SGCZ: variants seen among roughly 807,000 people sequenced by gnomAD.
SGCZ encodes zeta-sarcoglycan.
A neutral mutation model predicts 41.3 loss-of-function variants in SGCZ; 40 were observed. The ratio of observed to expected loss-of-function variants is 0.97; its 90% CI spans 0.75 to 1.26. The LOEUF (loss-of-function observed/expected upper bound fraction) is 1.26. Ranked by LOEUF, SGCZ falls within the 50% of genes most tolerant of loss-of-function variation. The pLI is 0.00. For missense variants in SGCZ, 552 were observed against 369.8 expected (o/e 1.49, Z -4.04); for synonymous variants, 206 against 137.5 (o/e 1.50, Z -3.49).
At chr8:15,056,910 G>C (rs1804727238) in intron 1 of SGCZ, among the ~76,000 whole-genome samples, 1 of 152,118 alleles carries the variant, frequency 6.6e-6, no homozygotes, top group Non-Finnish European at 1.5e-5. Context: ...GACAGGCAAG[G>C]TTTCTGACAG....
intron 2 of SGCZ, among the ~76,000 whole-genome samples, chr8:14,408,643 G>A (rs1799274449): frequency 6.6e-6 from 1 of 152,026 alleles, no homozygotes; most frequent in Non-Finnish European, 1.5e-5. Context: ...ACATTTCATT[G>A]CATTTGGATG....
intron 5 of SGCZ, among the ~76,000 whole-genome samples, chr8:14,127,586 G>A (rs955180137): frequency 6.6e-6 from 1 of 151,956 alleles, no homozygotes; most frequent in African/African-American, 2.4e-5. Context: ...CTCCCGAGTA[G>A]CTGGGACTAC....
chr8:14,396,549 A>G (rs546646246), intron 2 of SGCZ, among the ~76,000 whole-genome samples: 2 of 151,684 alleles, frequency 1.3e-5, no homozygotes, highest in African/African-American at 4.8e-5. Flanking sequence ...AAACATGTAA[A>G]CTTTCTCTTT....
chr8:14,131,887 A>G (rs1230402580), intron 5 of SGCZ, among the ~76,000 whole-genome samples: 11 of 152,182 alleles, frequency 7.2e-5, no homozygotes, highest in Admixed American at 7.2e-4. Context: ...TTTGTAACCT[A>G]GGAGCAGTAG....
chr8:14,748,452 G>C (rs1318115402), intron 1 of SGCZ, among the ~76,000 whole-genome samples: 1 of 152,110 alleles, frequency 6.6e-6, no homozygotes, highest in East Asian at 1.9e-4. Context: ...TCGAATGTCA[G>C]AGCAAGAATT....
intron 1 of SGCZ, among the ~76,000 whole-genome samples, chr8:14,599,411 C>A (rs2117307748): frequency 6.6e-6 from 1 of 152,314 alleles, no homozygotes; most frequent in East Asian, 1.9e-4. Flanking sequence ...CATACATTCT[C>A]AGGTAAATGT....
intron 1 of SGCZ, among the ~76,000 whole-genome samples, chr8:14,693,493 T>G (rs1199125067): frequency 6.6e-6 from 1 of 151,588 alleles, no homozygotes; most frequent in Non-Finnish European, 1.5e-5. Flanking sequence ...GGTTTCACCA[T>G]GTTGGTCAGG....
At chr8:14,758,985 GCAA>G (rs1799771378) in intron 1 of SGCZ, among the ~76,000 whole-genome samples, 1 of 143,552 alleles carries the variant, frequency 7.0e-6, no homozygotes, top group South Asian at 2.1e-4. Flanking sequence ...TCCAGCCTGG[GCAA>G]CAGGAGTGAA....
chr8:14,813,965 G>C (rs2130545952), intron 1 of SGCZ, among the ~76,000 whole-genome samples: 1 of 151,302 alleles, frequency 6.6e-6, no homozygotes, highest in Non-Finnish European at 1.5e-5. Flanking sequence ...AACTAACTAA[G>C]CAAATAAGTA....
At chr8:14,371,265 C>A (rs990204596) in intron 2 of SGCZ, among the ~76,000 whole-genome samples, 24 of 151,862 alleles carry the variant, frequency 1.6e-4, no homozygotes, top group Non-Finnish European at 3.1e-4. Flanking sequence ...GTGACTCAGT[C>A]TCCTGAATAA....
rs149493799 is a variant in SGCZ, at chr8:14,900,506, G to C, written c.39+337079C>G. Among the ~76,000 whole-genome samples the C allele has an allele frequency of 4.2e-3, 644 of 152,208 alleles. 6 individuals are homozygous for C. Among genetic ancestry groups the C allele is most frequent in the African/African-American group, 0.015 (618 of 41,532 alleles). ...ACTCCGACCCAGCAGAATGGATTCA[G>C]GCTCCTAAATAACAAACTCAACTAT... On this transcript the variant is annotated intron_variant, in intron 1 of 7. Transcript: ENST00000382080.
chr8:14,890,841 G>A, intron 1 of SGCZ, among the ~76,000 whole-genome samples: 1 of 152,086 alleles, frequency 6.6e-6, no homozygotes. Context: ...TAAGTTTTAG[G>A]CAATGCTCAT....
intron 1 of SGCZ, among the ~76,000 whole-genome samples, chr8:14,677,000 G>T (rs1432653082): frequency 2.0e-5 from 3 of 151,706 alleles, no homozygotes; most frequent in Non-Finnish European, 4.4e-5. Context: ...AGGATATAAA[G>T]ATAAGGAAGG....
At chr8:14,337,630 G>C (rs1024467614) in intron 2 of SGCZ, among the ~76,000 whole-genome samples, 2 of 152,142 alleles carry the variant, frequency 1.3e-5, no homozygotes, top group Non-Finnish European at 2.9e-5. Context: ...CAGGAAAGTA[G>C]ATATAGTGGA....
intron 1 of SGCZ, among the ~76,000 whole-genome samples, chr8:14,828,823 G>T (rs936506312): frequency 1.3e-5 from 2 of 152,118 alleles, no homozygotes; most frequent in African/African-American, 2.4e-5. Context: ...GAACATTTCA[G>T]CAGAGTCCTT....
intron 1 of SGCZ, among the ~76,000 whole-genome samples, chr8:14,864,972 T>C (rs1803876324): frequency 6.6e-6 from 1 of 152,028 alleles, no homozygotes; most frequent in South Asian, 2.1e-4. Flanking sequence ...TCTATTCAGA[T>C]CATTTGCTCA....
At chr8:15,099,639 C>T (rs373917265) in intron 1 of SGCZ, among the ~76,000 whole-genome samples, 18 of 152,212 alleles carry the variant, frequency 1.2e-4, no homozygotes, top group Admixed American at 3.3e-4. Context: ...TACCCTAATA[C>T]TAAAACCTGG....
chr8:14,196,458 AG>A (rs1156721506), intron 4 of SGCZ, among the ~76,000 whole-genome samples: 1 of 152,168 alleles, frequency 6.6e-6, no homozygotes, highest in Non-Finnish European at 1.5e-5. Flanking sequence ...AAAATTTTTC[AG>A]CCACTGTGAA....
chr8:14,574,755 G>C (rs1315446858), intron 1 of SGCZ, among the ~76,000 whole-genome samples: 2 of 152,188 alleles, frequency 1.3e-5, no homozygotes, highest in Admixed American at 1.3e-4. Context: ...TTTACTAATA[G>C]AAATTTCAGC....
Sources: allele counts gnomAD v4.1 joint callset (sites outside exome capture counted in the v4.1 genomes callset), GRCh38; gene constraint gnomAD v4.1.1; transcripts MANE v1.5; gene names NCBI Gene and HGNC (gene_info 2026-07-23, HGNC 2026-07-21).